Variants in MBNL2 observed in about 807,000 individuals in gnomAD.
The protein encoded by MBNL2 is muscleblind-like protein 2.
Under a neutral mutation model 41.9 loss-of-function variants are expected in MBNL2, and 17 were observed. The ratio of observed to expected loss-of-function variants is 0.41; its 90% CI spans 0.28 to 0.61. The LOEUF (loss-of-function observed/expected upper bound fraction) is 0.61, where lower values mean the gene tolerates loss of function less well. Among genes scored for constraint, MBNL2 ranks in the 20% least tolerant of loss-of-function variants. The pLI, the probability that MBNL2 is intolerant of heterozygous loss-of-function variation, is 0.35. For synonymous variants in MBNL2, 195 were observed against 182.9 expected (o/e 1.07, Z -0.53); for missense variants, 336 against 505.6 (o/e 0.66, Z 3.22).
the MBNL2 span, among the ~76,000 whole-genome samples, chr13:97,177,275 G>A: frequency 6.6e-6 from 1 of 152,118 alleles, no homozygotes; most frequent in African/African-American, 2.4e-5. Context: ...GGAGGCAGAG[G>A]TTTCAATGAG....
intron 8 of MBNL2, among the ~76,000 whole-genome samples, chr13:97,371,333 C>G (rs1594280770): frequency 6.6e-6 from 1 of 152,118 alleles, no homozygotes; most frequent in South Asian, 2.1e-4. Context: ...CCTCCTCCCC[C>G]AGCAAGAAGT....
chr13:97,375,685 G>A (rs1170532472), intron 8 of MBNL2, among the ~76,000 whole-genome samples: 2 of 152,212 alleles, frequency 1.3e-5, no homozygotes, highest in Non-Finnish European at 2.9e-5. Context: ...AGGTAGCAGA[G>A]CCTGCCTTTG....
At chr13:97,195,234 C>T in the MBNL2 span, among the ~76,000 whole-genome samples, 1 of 152,136 alleles carries the variant, frequency 6.6e-6, no homozygotes, top group Non-Finnish European at 1.5e-5. Flanking sequence ...CTGCCTGTGC[C>T]TTGTTCTCGA....
At chr13:97,368,984 TGGA>T (rs1276959923) in intron 8 of MBNL2, among the ~76,000 whole-genome samples, 1 of 149,164 alleles carries the variant, frequency 6.7e-6, no homozygotes, top group Non-Finnish European at 1.5e-5. Flanking sequence ...TAGTTGCTGC[TGGA>T]TTGCACTTAA....
At chr13:97,241,162 C>T (rs1458527957) in intron 1 of MBNL2, among the ~76,000 whole-genome samples, 2 of 152,144 alleles carry the variant, frequency 1.3e-5, no homozygotes, top group African/African-American at 4.8e-5. Flanking sequence ...ACTGAAGTCC[C>T]CTTCCTTCCT....
At chr13:97,258,031 C>T (rs116906265) in intron 1 of MBNL2, among the ~76,000 whole-genome samples, 1 of 152,030 alleles carries the variant, frequency 6.6e-6, no homozygotes, top group Non-Finnish European at 1.5e-5. Context: ...CCAATAGTGA[C>T]GAGCCTCTGA....
upstream of MBNL2, chr13:97,222,315 C>T (rs2040930260): frequency 2.5e-6 from 1 of 398,138 alleles, no homozygotes; most frequent in South Asian, 1.3e-4. Flanking sequence ...AGGGCTGCAG[C>T]TTACAGCAAC....
At chr13:97,227,903 AAATG>A (rs1281101012) in intron 1 of MBNL2, among the ~76,000 whole-genome samples, 1 of 152,224 alleles carries the variant, frequency 6.6e-6, no homozygotes. Context: ...TCTGCACCCC[AAATG>A]GTCACACAGA....
intron 7 of MBNL2, 188 bp downstream of exon 7, chr13:97,357,823 A>G: frequency 1.5e-6 from 1 of 659,538 alleles, no homozygotes; most frequent in Admixed American, 2.2e-5. Context: ...TTAGGATTCT[A>G]AAGCCAAATA....
intron 2 of MBNL2, among the ~76,000 whole-genome samples, chr13:97,294,046 A>T (rs1395671917): frequency 1.3e-5 from 2 of 151,432 alleles, no homozygotes; most frequent in African/African-American, 4.9e-5. Flanking sequence ...CTTTCCTGAT[A>T]TATCTTGTTT....
chr13:97,335,377 T>A (rs1172175389), intron 3 of MBNL2, among the ~76,000 whole-genome samples: 1 of 152,204 alleles, frequency 6.6e-6, no homozygotes, highest in Non-Finnish European at 1.5e-5. Flanking sequence ...AATCCCTTTA[T>A]TGTAGGAAAA....
Position 97,309,040 on chromosome 13 carries a change from C to T in MBNL2, c.175-25236C>T, listed in dbSNP as rs952020736. ...TGCAGAAAGAGCCCATGAGCATAGG[C>T]GCAGAGGCAGAAAAGTGTGGGTGTG... is the stretch of plus-strand genomic sequence containing the variant. On this transcript the variant is annotated intron_variant, in intron 2 of 8. Transcript: ENST00000679496. 5.3e-5 allele frequency among the ~76,000 whole-genome samples: 8 copies of T among 152,022 alleles called. No individual in the cohort carries two copies. In the South Asian group the frequency reaches 8.3e-4, roughly 16 times the overall value.
the MBNL2 span, among the ~76,000 whole-genome samples, chr13:97,160,380 TTAAGTA>T: frequency 1.3e-5 from 2 of 152,164 alleles, no homozygotes; most frequent in South Asian, 4.1e-4. Flanking sequence ...TTGCTGCAAG[TTAAGTA>T]TAAGTCCACT....
chr13:97,155,395 T>A, the MBNL2 span, among the ~76,000 whole-genome samples: 15,197 of 143,288 alleles, frequency 0.11, 814 homozygotes, highest in East Asian at 0.16. Context: ...TTTTTTTTTA[T>A]TTTTTTTTTT....
chr13:97,359,204 G>A (rs1445730120), intron 7 of MBNL2, among the ~76,000 whole-genome samples: 4 of 151,808 alleles, frequency 2.6e-5, no homozygotes, highest in East Asian at 1.9e-4. Context: ...GTAAACTTAC[G>A]TTAATGTCCT....
chr13:97,142,811 C>G, the MBNL2 span, among the ~76,000 whole-genome samples: 1 of 152,358 alleles, frequency 6.6e-6, no homozygotes, highest in Non-Finnish European at 1.5e-5. Context: ...TCAGGGAATG[C>G]AACTAACATG....
the MBNL2 span, among the ~76,000 whole-genome samples, chr13:97,204,975 C>A: frequency 6.6e-5 from 10 of 151,816 alleles, no homozygotes; most frequent in African/African-American, 2.2e-4. Flanking sequence ...AGATTGAGAC[C>A]ATCCTGCCCA....
At chr13:97,219,738 G>T (rs561708437), upstream of MBNL2, among the ~76,000 whole-genome samples, 1 of 152,094 alleles carries the variant, frequency 6.6e-6, no homozygotes. Context: ...AATGTTAGGG[G>T]GACACAATTC....
chr13:97,146,681 A>G, the MBNL2 span, among the ~76,000 whole-genome samples: 6 of 152,080 alleles, frequency 3.9e-5, no homozygotes, highest in Non-Finnish European at 8.8e-5. Context: ...TAGAATATTC[A>G]TTATAATGCA....
Sources: gnomAD v4.1 joint callset for allele counts (sites outside exome capture counted in the v4.1 genomes callset) on GRCh38, gnomAD v4.1.1 for gene constraint, MANE v1.5 for transcripts, NCBI Gene and HGNC (gene_info 2026-07-23, HGNC 2026-07-21) for gene names.